Variants in LTA4H observed in about 807,000 individuals in gnomAD.
The protein encoded by LTA4H is leukotriene A-4 hydrolase.
In LTA4H, 59 loss-of-function variants were observed where a neutral mutation model predicts 89.8. The observed-to-expected ratio is 0.66, with a 90% CI of 0.53 to 0.82. LTA4H has a LOEUF of 0.82. Among genes scored for constraint, LTA4H ranks in the 40% least tolerant of loss-of-function variants. LTA4H has a pLI of 0.00. For missense variants in LTA4H, 617 were observed against 727.0 expected, an observed-to-expected ratio of 0.85 and a Z score of 1.74; for synonymous variants, 227 against 253.1, an observed-to-expected ratio of 0.90 and a Z score of 0.98.
At chr12:96,006,744 T>C (rs1042036918) in intron 15 of LTA4H, among the ~76,000 whole-genome samples, 17 of 152,186 alleles carry the variant, frequency 1.1e-4, no homozygotes, top group Admixed American at 4.6e-4. Flanking sequence ...AACTAATCTA[T>C]AGACCAATTC....
intron 12 of LTA4H, chr12:96,014,406 A>T (rs768808765): frequency 6.3e-6 from 1 of 158,410 alleles, no homozygotes; most frequent in Non-Finnish European, 1.4e-5. Context: ...GAGCCAATAT[A>T]TAGCATGACC....
chr12:96,014,101 C>A, intron 12 of LTA4H: 1 of 300,078 alleles, frequency 3.3e-6, no homozygotes, highest in East Asian at 6.3e-5. Context: ...GGGGATAACA[C>A]ATGAAGACAC....
At chr12:96,035,694 G>A (rs1333578526), upstream of LTA4H, 3 of 1,405,838 alleles carry the variant, frequency 2.1e-6, no homozygotes, top group Non-Finnish European at 2.8e-6. Flanking sequence ...ATGGGTGAAG[G>A]AACTACAAGT....
intron 1 of LTA4H, among the ~76,000 whole-genome samples, chr12:96,031,989 T>C (rs1407785362): frequency 6.6e-6 from 1 of 152,252 alleles, no homozygotes; most frequent in Non-Finnish European, 1.5e-5. Context: ...AAAAACCACC[T>C]TGATTTGATT....
At chr12:96,027,073 A>C (rs1420499998) in intron 3 of LTA4H, among the ~76,000 whole-genome samples, 1 of 152,186 alleles carries the variant, frequency 6.6e-6, no homozygotes, top group African/African-American at 2.4e-5. Flanking sequence ...TAAATCTTTC[A>C]CTTTCCATTT....
At chr12:96,018,676 C>T (rs1950412836) in intron 8 of LTA4H, 87 bp downstream of exon 8, 2 of 895,220 alleles carry the variant, frequency 2.2e-6, no homozygotes, top group African/African-American at 1.7e-5. Flanking sequence ...AGGTTCTTTA[C>T]ATATATATAC....
intron 17 of LTA4H, 62 bp from the exon 18 acceptor site, chr12:96,003,126 G>T: frequency 2.9e-6 from 3 of 1,036,608 alleles, no homozygotes; most frequent in Admixed American, 2.0e-5. Flanking sequence ...GATATGACAG[G>T]TATATCTTAA....
chr12:96,012,625 C>A (rs1415043949), intron 14 of LTA4H: 1 of 152,498 alleles, frequency 6.6e-6, no homozygotes, highest in Non-Finnish European at 1.5e-5. Context: ...GTAGGAGGAT[C>A]ACTTGAGCCT....
chr12:96,008,370 T>C (rs1377345631), intron 15 of LTA4H, among the ~76,000 whole-genome samples: 3 of 152,158 alleles, frequency 2.0e-5, no homozygotes, highest in Non-Finnish European at 4.4e-5. Flanking sequence ...AGAAGCTTCA[T>C]AGAAAGTGAA....
chr12:96,015,727 C>T (rs770068693), intron 10 of LTA4H, 33 bp from the exon 11 acceptor site: 2 of 1,281,588 alleles, frequency 1.6e-6, no homozygotes, highest in South Asian at 2.4e-5. Context: ...AAAACACGGA[C>T]ACAGCTGAGA....
At chr12:96,038,767 CATCTT>C (rs1315399310), upstream of LTA4H, among the ~76,000 whole-genome samples, 1 of 147,862 alleles carries the variant, frequency 6.8e-6, no homozygotes, top group Non-Finnish European at 1.5e-5. Flanking sequence ...ACAGTCAAAT[CATCTT>C]ATTTATCTAG....
chr12:96,015,500 C>G, intron 11 of LTA4H, 83 bp downstream of exon 11: 1 of 951,280 alleles, frequency 1.1e-6, no homozygotes, highest in East Asian at 2.4e-5. Flanking sequence ...GGTTGCTACA[C>G]AGTAAAGACG....
upstream of LTA4H, among the ~76,000 whole-genome samples, chr12:96,037,985 C>T (rs187578031): frequency 2.0e-3 from 305 of 152,190 alleles, 2 homozygotes; most frequent in African/African-American, 6.4e-3. Flanking sequence ...CCACCGCGCC[C>T]GGCCGAGAAA....
intron 2 of LTA4H, 165 bp from the exon 3 acceptor site, chr12:96,027,729 C>T: frequency 2.5e-6 from 1 of 407,060 alleles, no homozygotes; most frequent in Non-Finnish European, 4.4e-6. Context: ...AGTCTCCTCT[C>T]AGTTTTCCTA....
intron 15 of LTA4H, 51 bp from the exon 16 acceptor site, chr12:96,006,460 C>T (rs1416324130): frequency 3.8e-6 from 4 of 1,040,634 alleles, no homozygotes; most frequent in Admixed American, 2.0e-5. Flanking sequence ...TTTAATAATA[C>T]TTATTGGTTT....
Position 96,013,340 on chromosome 12 carries a change from A to G in LTA4H, c.1309-82T>C, listed in dbSNP as rs566674997. The G allele has an allele frequency of 1.2e-4, 102 of 823,344 alleles. 3 individuals carry two copies. In the South Asian group the frequency reaches 1.5e-3, roughly 13 times the overall value. The allele number at this position is 823,344 out of a possible 1,614,324, so 51.0% of individuals were successfully genotyped here. A position where few individuals can be genotyped will look rare whatever the true frequency, so the allele number is the denominator to read the frequency against. On this transcript the variant is annotated intron_variant, in intron 13 of 18. Coordinates refer to ENST00000228740, the MANE Select transcript of LTA4H (RefSeq NM_000895.3). ...AATTTAAACTTGTAAGTCCTTAGAT[A>G]TATAATTTTGTCTAATCTGCTATAT...
intron 6 of LTA4H, among the ~76,000 whole-genome samples, chr12:96,019,899 GTTTTTTTTTTT>G (rs748833448): frequency 8.3e-6 from 1 of 120,930 alleles, no homozygotes; most frequent in Non-Finnish European, 1.8e-5. Flanking sequence ...CACGCCCAGC[GTTTTTTTTTTT>G]TTTTTTTTTA....
chr12:96,019,287 T>C lies in LTA4H; in HGVS notation c.639-47A>G, dbSNP rs371390338. 4 of 1,486,194 alleles carry C rather than the reference T, an allele frequency of 2.7e-6. No homozygotes were observed. The African/African-American group carries it at 5.6e-5, about 21-fold the overall frequency. 92.1% of individuals were successfully genotyped at this position (1,486,194 alleles called of 1,614,324 possible). On this transcript the variant is annotated intron_variant, in intron 6 of 18. Transcript: ENST00000228740. Reference sequence around the variant, plus strand: ...TAAAAAAGAAATTCATGGCAAATGATTCATCTGGTTCTAAAAAGTAGTTAA... The same window carrying C: ...TAAAAAAGAAATTCATGGCAAATGACTCATCTGGTTCTAAAAAGTAGTTAA...
At chr12:96,013,053 C>G (rs1230490732) in intron 14 of LTA4H, 135 bp downstream of exon 14, 3 of 651,902 alleles carry the variant, frequency 4.6e-6, no homozygotes, top group Non-Finnish European at 8.0e-6. Flanking sequence ...AGGGTTAAGG[C>G]CAAAACACCT....
Sources: allele counts gnomAD v4.1 joint callset (sites outside exome capture counted in the v4.1 genomes callset), GRCh38; gene constraint gnomAD v4.1.1; transcripts MANE v1.5; gene names NCBI Gene and HGNC (gene_info 2026-07-23, HGNC 2026-07-21).